The following MERTK variants were observed in gnomAD, a reference collection of about 807,000 sequenced individuals.
MERTK encodes the protein tyrosine-protein kinase Mer.
MERTK carries 69 observed loss-of-function variants against 99.3 expected under a neutral mutation model. The ratio of observed to expected loss-of-function variants is 0.70; its 90% CI spans 0.57 to 0.85. The LOEUF (loss-of-function observed/expected upper bound fraction) is 0.85, where lower values mean the gene tolerates loss of function less well. MERTK is among the 40% of genes least tolerant of loss of function. MERTK has a pLI of 0.00. For missense variants in MERTK, 1,125 were observed against 1,249.4 expected (o/e 0.90, Z 1.50); for synonymous variants, 426 against 467.6 (o/e 0.91, Z 1.15).
intron 7 of MERTK, among the ~76,000 whole-genome samples, chr2:111,976,634 T>C (rs1171326542): frequency 6.6e-6 from 1 of 151,592 alleles, no homozygotes; most frequent in African/African-American, 2.4e-5. Flanking sequence ...ACAAGTCCAT[T>C]AAAATGTAAT....
intron 15 of MERTK, among the ~76,000 whole-genome samples, chr2:112,011,758 T>TAA (rs942242357): frequency 6.6e-6 from 1 of 151,660 alleles, no homozygotes; most frequent in Non-Finnish European, 1.5e-5. Flanking sequence ...CTGAAAAAAA[T>TAA]AAAAAAAACA....
intron 4 of MERTK, among the ~76,000 whole-genome samples, chr2:111,959,152 A>G (rs1322104203): frequency 2.0e-5 from 3 of 152,156 alleles, no homozygotes; most frequent in African/African-American, 7.2e-5. Flanking sequence ...GGAAGGTTAA[A>G]AGTGATGCCA....
intron 1 of MERTK, among the ~76,000 whole-genome samples, chr2:111,920,907 C>T (rs1005251229): frequency 7.9e-5 from 12 of 152,142 alleles, no homozygotes; most frequent in Non-Finnish European, 1.5e-4. Context: ...CTGCCCGCCT[C>T]GGCCTCCCAA....
chr2:111,900,702 C>T (rs1684027244), intron 1 of MERTK, among the ~76,000 whole-genome samples: 1 of 152,122 alleles, frequency 6.6e-6, no homozygotes, highest in South Asian at 2.1e-4. Context: ...ATCGTTCTTG[C>T]ACTTTTTGCT....
intron 2 of MERTK, among the ~76,000 whole-genome samples, chr2:111,933,666 A>G (rs941159836): frequency 1.8e-4 from 27 of 152,074 alleles, no homozygotes; most frequent in Admixed American, 4.6e-4. Flanking sequence ...TTGTATCTGC[A>G]CTCATTCTTT....
chr2:112,015,643 T>C (rs1026220466), intron 15 of MERTK, among the ~76,000 whole-genome samples: 3 of 152,236 alleles, frequency 2.0e-5, no homozygotes, highest in African/African-American at 7.2e-5. Flanking sequence ...CATTGCATTC[T>C]CTTAACACGG....
chr2:112,003,945 G>A lies in MERTK; in HGVS notation c.1828G>A (p.Asp610Asn), dbSNP rs1234835542. ...SVMEGNLKQE[D>N]GTSLKVAVKT... ...AATGGAAGGAAATCTTAAGCAGGAAGATGGGACCTCTCTGAAAGTGGCAGT... is the reference window on the plus strand; with the variant it reads ...AATGGAAGGAAATCTTAAGCAGGAAAATGGGACCTCTCTGAAAGTGGCAGT... The change falls in exon 13 of 19, where the codon GAT (aspartate) becomes AAT (asparagine). Residue 610 changes from aspartate to asparagine, a missense_variant. Physicochemically the swap from Asp to Asn is conservative, Grantham distance 23 (BLOSUM62 1). Coordinates refer to ENST00000295408, the MANE Select transcript of MERTK (RefSeq NM_006343.3). 6.2e-7 allele frequency: 1 copy of A among 1,613,718 alleles called. No individual in the cohort carries two copies. Among genetic ancestry groups the A allele is most frequent in the Non-Finnish European group, 8.5e-7 (1 of 1,179,738 alleles).
At chr2:111,906,181 A>G (rs1431804129) in intron 1 of MERTK, among the ~76,000 whole-genome samples, 1 of 152,166 alleles carries the variant, frequency 6.6e-6, no homozygotes, top group Admixed American at 6.5e-5. Flanking sequence ...CCGGATTTAG[A>G]TCTCAGGTTG....
chr2:111,969,332 C>A (rs973724427), intron 6 of MERTK, among the ~76,000 whole-genome samples: 6 of 152,174 alleles, frequency 3.9e-5, no homozygotes, highest in Admixed American at 2.6e-4. Context: ...ACCATCAGCT[C>A]TTCCGTCTCA....
intron 1 of MERTK, among the ~76,000 whole-genome samples, chr2:111,907,789 G>A (rs1324810873): frequency 6.6e-6 from 1 of 152,226 alleles, no homozygotes; most frequent in Non-Finnish European, 1.5e-5. Flanking sequence ...GATATAAACT[G>A]TAGAATGCAA....
chr2:111,899,661 A>ACG (rs1255690357), intron 1 of MERTK, among the ~76,000 whole-genome samples: 1 of 151,792 alleles, frequency 6.6e-6, no homozygotes, highest in Non-Finnish European at 1.5e-5. Flanking sequence ...GAGACTATAG[A>ACG]CGCGCGCTAC....
In MERTK at chr2:111,938,219, G is replaced by A. The variant is rs552147654; in HGVS notation, c.483-6741G>A. On this transcript the variant is annotated intron_variant, in intron 2 of 18. Transcript: ENST00000295408. ...AGCCTCCCCAGTAGCTGGGACCACA[G>A]GCATGAGCCACTGTACCTAGCTGTT... is the stretch of plus-strand genomic sequence containing the variant. Among the ~76,000 whole-genome samples the A allele has an allele frequency of 8.8e-4, 134 of 152,106 alleles. 1 individual carries two copies. Among genetic ancestry groups the A allele is most frequent in the Non-Finnish European group, 1.4e-3 (93 of 68,004 alleles).
At chr2:111,935,638 C>CGTGTGTGTGTGTGTGTGT in intron 2 of MERTK, among the ~76,000 whole-genome samples, 1 of 139,844 alleles carries the variant, frequency 7.2e-6, no homozygotes, top group South Asian at 2.4e-4. Flanking sequence ...GGTCTTGGCT[C>CGTGTGTGTGTGTGTGTGT]GTGTGTGTGT....
chr2:111,947,319 A>G, intron 3 of MERTK, 75 bp from the exon 4 acceptor site: 2 of 1,357,528 alleles, frequency 1.5e-6, no homozygotes, highest in Non-Finnish European at 2.0e-6. Flanking sequence ...GTTCTAGTCC[A>G]GTTTCCATTC....
intron 8 of MERTK, among the ~76,000 whole-genome samples, chr2:111,988,434 G>A (rs1388635758): frequency 1.3e-5 from 2 of 152,110 alleles, no homozygotes; most frequent in African/African-American, 4.8e-5. Context: ...CTTGGTTTGG[G>A]GAACTAGACA....
At chr2:112,027,519 A>C (rs1677492033) in intron 18 of MERTK, among the ~76,000 whole-genome samples, 1 of 152,062 alleles carries the variant, frequency 6.6e-6, no homozygotes, top group Admixed American at 6.5e-5. Flanking sequence ...ATTCTTAACT[A>C]TATTAGACAC....
chr2:111,924,553 T>C (rs1038092577), intron 1 of MERTK, among the ~76,000 whole-genome samples: 3 of 152,128 alleles, frequency 2.0e-5, no homozygotes, highest in African/African-American at 7.2e-5. Context: ...AGGTTCCCAC[T>C]TCCTGCTCTT....
At chr2:111,948,360 G>C (rs568903218) in intron 4 of MERTK, among the ~76,000 whole-genome samples, 4 of 152,228 alleles carry the variant, frequency 2.6e-5, no homozygotes, top group Admixed American at 1.3e-4. Context: ...GCTCAATCCT[G>C]GGTCCCCTTC....
chr2:112,003,402 G>A (rs919337762), intron 12 of MERTK: 3 of 422,966 alleles, frequency 7.1e-6, no homozygotes, highest in African/African-American at 4.0e-5. Flanking sequence ...AGCACATACA[G>A]GTCCTTGAAA....
Sources: gnomAD v4.1 joint callset for allele counts (sites outside exome capture counted in the v4.1 genomes callset) on GRCh38, gnomAD v4.1.1 for gene constraint, MANE v1.5 for transcripts, NCBI Gene and HGNC (gene_info 2026-07-23, HGNC 2026-07-21) for gene names.